The following TRPC4 variants were observed in gnomAD, a reference collection of about 807,000 sequenced individuals.
TRPC4 encodes transient receptor potential cation channel subfamily C member 4, also known as short transient receptor potential channel 4.
Under a neutral mutation model 99.4 loss-of-function variants are expected in TRPC4, and 49 were observed. The observed-to-expected ratio is 0.49, with a 90% CI of 0.39 to 0.63. TRPC4 has a LOEUF of 0.63. Among genes scored for constraint, TRPC4 ranks in the 20% least tolerant of loss-of-function variants. TRPC4 has a pLI of 0.00. For missense variants in TRPC4, 898 were observed against 1,152.9 expected (o/e 0.78, Z 3.20); for synonymous variants, 454 against 425.9 (o/e 1.07, Z -0.81).
At chr13:37,741,099 T>C (rs1007032077) in intron 3 of TRPC4, among the ~76,000 whole-genome samples, 4 of 152,224 alleles carry the variant, frequency 2.6e-5, no homozygotes, top group Non-Finnish European at 1.5e-5. Context: ...ACAAATAATC[T>C]ATTTCCTTGC....
chr13:37,842,088 G>A (rs949562854), intron 1 of TRPC4, among the ~76,000 whole-genome samples: 3 of 151,638 alleles, frequency 2.0e-5, no homozygotes, highest in African/African-American at 7.3e-5. Context: ...TGGCCAACAC[G>A]GTGAAACCCC....
intron 3 of TRPC4, among the ~76,000 whole-genome samples, chr13:37,726,826 G>T (rs750060209): frequency 2.0e-5 from 3 of 151,868 alleles, no homozygotes; most frequent in Non-Finnish European, 1.5e-5. Flanking sequence ...AGACAAAATA[G>T]ATTTTAAATA....
chr13:37,789,909 A>T (rs891988446), intron 1 of TRPC4, among the ~76,000 whole-genome samples: 3 of 152,148 alleles, frequency 2.0e-5, no homozygotes, highest in African/African-American at 7.2e-5. Context: ...AAAAATTAAG[A>T]CATCTTAGAA....
intron 1 of TRPC4, among the ~76,000 whole-genome samples, chr13:37,862,032 G>A (rs775356098): frequency 6.6e-6 from 1 of 151,372 alleles, no homozygotes; most frequent in Non-Finnish European, 1.5e-5. Context: ...CATGAGAAAG[G>A]TAGTCTATTT....
intron 8 of TRPC4, among the ~76,000 whole-genome samples, chr13:37,646,108 A>G (rs1951854895): frequency 6.6e-6 from 1 of 152,202 alleles, no homozygotes; most frequent in Admixed American, 6.5e-5. Flanking sequence ...TTTAGTGATG[A>G]TAGCTGTTGC....
At chr13:37,667,941 T>C (rs1338872518) in intron 5 of TRPC4, among the ~76,000 whole-genome samples, 1 of 152,214 alleles carries the variant, frequency 6.6e-6, no homozygotes, top group African/African-American at 2.4e-5. Context: ...GTGTGCCTGC[T>C]CTGTGTCAGG....
chr13:37,652,647 A>G (rs1952086307), intron 7 of TRPC4, among the ~76,000 whole-genome samples: 1 of 934 alleles, frequency 1.1e-3, no homozygotes, highest in Non-Finnish European at 4.0e-3. Flanking sequence ...AGACAAGTTT[A>G]TAGGTTCTGG....
At chr13:37,690,209 C>G (rs1953635710) in intron 4 of TRPC4, among the ~76,000 whole-genome samples, 1 of 152,120 alleles carries the variant, frequency 6.6e-6, no homozygotes. Flanking sequence ...TTAAATGAAA[C>G]AGGGGGGGTT....
chr13:37,718,427 GA>G (rs1253882534), intron 3 of TRPC4, among the ~76,000 whole-genome samples: 1 of 151,612 alleles, frequency 6.6e-6, no homozygotes, highest in Non-Finnish European at 1.5e-5. Context: ...ATTCTCAAGA[GA>G]AAAGACAATC....
chr13:37,826,126 G>A lies in TRPC4; in HGVS notation c.-27-42766C>T, dbSNP rs1311302731. Among the ~76,000 whole-genome samples, 424 of 122,968 alleles carry A rather than the reference G, an allele frequency of 3.4e-3. 21 individuals carry two copies. The highest frequency in any genetic ancestry group is 0.013 in the African/African-American group (404 of 31,080). The allele number at this position is 122,968 out of a possible 152,430, so 80.7% of individuals were successfully genotyped here. On this transcript the variant is annotated intron_variant, in intron 1 of 10. Transcript: ENST00000379705. ...CCTTTTTTTGTTTTCCGTTTGCTTG[G>A]TAGATCTTCCTCCATCCTTTTATTT...
At chr13:37,651,229 T>A (rs1952033584) in intron 8 of TRPC4, 36 bp downstream of exon 8, 3 of 1,610,528 alleles carry the variant, frequency 1.9e-6, no homozygotes, top group African/African-American at 1.3e-5. Flanking sequence ...ATACACAATT[T>A]AAAAAAAGAG....
intron 1 of TRPC4, among the ~76,000 whole-genome samples, chr13:37,859,474 G>GAAAACATA (rs1452040424): frequency 6.6e-6 from 1 of 151,288 alleles, no homozygotes; most frequent in African/African-American, 2.4e-5. Flanking sequence ...AAGAGTAAGA[G>GAAAACATA]AAAACATAAA....
At chr13:37,786,989 T>C (rs1484557168) in intron 1 of TRPC4, among the ~76,000 whole-genome samples, 1 of 152,004 alleles carries the variant, frequency 6.6e-6, no homozygotes, top group Non-Finnish European at 1.5e-5. Context: ...CGTCACTAAG[T>C]ATGAAAACTA....
At chr13:37,833,700 A>G (rs1310227829) in intron 1 of TRPC4, among the ~76,000 whole-genome samples, 2 of 152,112 alleles carry the variant, frequency 1.3e-5, no homozygotes, top group African/African-American at 4.8e-5. Flanking sequence ...CTGTCAGAAG[A>G]ATAATTTAGC....
At chr13:37,690,796 A>G (rs926264243) in intron 4 of TRPC4, among the ~76,000 whole-genome samples, 2 of 141,882 alleles carry the variant, frequency 1.4e-5, no homozygotes, top group Non-Finnish European at 3.0e-5. Flanking sequence ...AAACATATTT[A>G]TCTCAAATAG....
chr13:37,816,658 A>G (rs985427408), intron 1 of TRPC4, among the ~76,000 whole-genome samples: 4 of 151,986 alleles, frequency 2.6e-5, no homozygotes, highest in African/African-American at 9.7e-5. Context: ...AAAGTAGCAC[A>G]TAAAAAAAGC....
chr13:37,847,920 A>G (rs926346666), intron 1 of TRPC4, among the ~76,000 whole-genome samples: 8 of 152,116 alleles, frequency 5.3e-5, no homozygotes, highest in Admixed American at 3.9e-4. Flanking sequence ...CAAACAGTAC[A>G]AAGTTTCAGA....
chr13:37,672,780 C>T (rs1952899414), intron 5 of TRPC4, among the ~76,000 whole-genome samples: 1 of 152,154 alleles, frequency 6.6e-6, no homozygotes, highest in Admixed American at 6.5e-5. Flanking sequence ...CTGTCTTAAA[C>T]TTTTCAAGGT....
chr13:37,856,044 A>G (rs1298701411), intron 1 of TRPC4, among the ~76,000 whole-genome samples: 1 of 151,836 alleles, frequency 6.6e-6, no homozygotes, highest in Non-Finnish European at 1.5e-5. Flanking sequence ...GACAAGATAA[A>G]TGAAATTGAA....
Sources: gnomAD v4.1 joint callset for allele counts (sites outside exome capture counted in the v4.1 genomes callset) on GRCh38, gnomAD v4.1.1 for gene constraint, MANE v1.5 for transcripts, NCBI Gene and HGNC (gene_info 2026-07-23, HGNC 2026-07-21) for gene names.